CSMD3: variants seen among roughly 807,000 people sequenced by gnomAD.
CSMD3 encodes CUB and sushi domain-containing protein 3.
Under a neutral mutation model 435.2 loss-of-function variants are expected in CSMD3, and 177 were observed. The ratio of observed to expected loss-of-function variants is 0.41; its 90% CI spans 0.36 to 0.46. CSMD3 has a LOEUF of 0.46. Among genes scored for constraint, CSMD3 ranks in the 20% least tolerant of loss-of-function variants. The pLI, the probability that CSMD3 is intolerant of heterozygous loss-of-function variation, is 0.34. For synonymous variants in CSMD3, 1,656 were observed against 1,520.5 expected, an observed-to-expected ratio of 1.09 and a Z score of -2.07; for missense variants, 4,265 against 4,504.6, an observed-to-expected ratio of 0.95 and a Z score of 1.52.
chr8:112,379,400 C>T (rs760602038), intron 38 of CSMD3, among the ~76,000 whole-genome samples: 18 of 152,138 alleles, frequency 1.2e-4, no homozygotes, highest in East Asian at 9.7e-4. Flanking sequence ...ACCCAGGAGG[C>T]GGAGGTTGCA....
At chr8:113,351,884 T>C (rs962128362) in intron 1 of CSMD3, among the ~76,000 whole-genome samples, 2 of 152,214 alleles carry the variant, frequency 1.3e-5, no homozygotes, top group African/African-American at 2.4e-5. Flanking sequence ...ATTTCCTGCA[T>C]AGAAGAATCT....
At chr8:113,386,803 G>A (rs1209509496) in intron 1 of CSMD3, among the ~76,000 whole-genome samples, 1 of 151,708 alleles carries the variant, frequency 6.6e-6, no homozygotes, top group African/African-American at 2.4e-5. Context: ...AATCAATTTG[G>A]ATTAAGCCCA....
intron 45 of CSMD3, among the ~76,000 whole-genome samples, chr8:112,327,422 GTCACACAT>G (rs1479743595): frequency 1.3e-5 from 2 of 152,042 alleles, no homozygotes; most frequent in Non-Finnish European, 2.9e-5. Context: ...GGTGGACAAG[GTCACACAT>G]TCAGCCACTG....
chr8:113,419,912 G>T (rs1299761688), intron 1 of CSMD3, among the ~76,000 whole-genome samples: 1 of 151,924 alleles, frequency 6.6e-6, no homozygotes, highest in Non-Finnish European at 1.5e-5. Context: ...TCTTTAAATG[G>T]TTATTGAAGT....
intron 4 of CSMD3, among the ~76,000 whole-genome samples, chr8:113,114,674 C>T (rs1016958724): frequency 6.6e-6 from 1 of 152,044 alleles, no homozygotes; most frequent in African/African-American, 2.4e-5. Flanking sequence ...CTACTGTAGA[C>T]CCCATTATTA....
chr8:112,302,227 T>G (rs78507040), intron 52 of CSMD3, among the ~76,000 whole-genome samples: 1 of 148,934 alleles, frequency 6.7e-6, no homozygotes, highest in African/African-American at 2.5e-5. Flanking sequence ...TTTTTTTTTT[T>G]GCATTTTTCG....
At chr8:112,593,567 G>A (rs1482502745) in intron 22 of CSMD3, among the ~76,000 whole-genome samples, 3 of 152,088 alleles carry the variant, frequency 2.0e-5, no homozygotes, top group African/African-American at 7.2e-5. Flanking sequence ...GTACCCATGA[G>A]ATTGATCTTT....
At chr8:112,235,262 T>C (rs1813460481) in intron 67 of CSMD3, among the ~76,000 whole-genome samples, 1 of 152,074 alleles carries the variant, frequency 6.6e-6, no homozygotes, top group Admixed American at 6.6e-5. Flanking sequence ...CACGCACCTG[T>C]AGTCCCAGCT....
intron 38 of CSMD3, among the ~76,000 whole-genome samples, chr8:112,379,497 T>G (rs1829271398): frequency 6.6e-6 from 1 of 152,000 alleles, no homozygotes; most frequent in African/African-American, 2.4e-5. Context: ...CCTGAAAAGC[T>G]ACTAAATAGT....
At chr8:112,762,587 C>G (rs372155410) in intron 13 of CSMD3, among the ~76,000 whole-genome samples, 2 of 151,714 alleles carry the variant, frequency 1.3e-5, no homozygotes, top group East Asian at 1.9e-4. Context: ...ATATGGCATA[C>G]GAAGAAGTTT....
At chr8:112,953,703 T>C (rs1054784895) in intron 8 of CSMD3, among the ~76,000 whole-genome samples, 1 of 151,480 alleles carries the variant, frequency 6.6e-6, no homozygotes, top group Non-Finnish European at 1.5e-5. Flanking sequence ...CAATTACTGT[T>C]TATATGTACA....
chr8:112,755,693 T>C lies in CSMD3; in HGVS notation c.1972+44469A>G, dbSNP rs16884063. 4.0e-3 allele frequency among the ~76,000 whole-genome samples: 603 copies of C among 151,046 alleles called. 13 individuals carry two copies. In the East Asian group the frequency reaches 0.074, roughly 19 times the overall value. On this transcript the variant is annotated intron_variant, in intron 13 of 70. Coordinates refer to ENST00000297405, the MANE Select transcript of CSMD3 (RefSeq NM_198123.2). ...AATTCCTCTGATATCCTACAACCTA[T>C]CCTTGTCTGTATGACAAGGATAACC...
At chr8:112,533,372 A>G (rs925341527) in intron 27 of CSMD3, among the ~76,000 whole-genome samples, 2 of 152,082 alleles carry the variant, frequency 1.3e-5, no homozygotes, top group Non-Finnish European at 2.9e-5. Context: ...GCTGCTTACA[A>G]GGAACATACT....
chr8:112,267,189 A>G (rs940882216), intron 59 of CSMD3, among the ~76,000 whole-genome samples: 2 of 152,174 alleles, frequency 1.3e-5, no homozygotes, highest in African/African-American at 4.8e-5. Context: ...TTCATATTCT[A>G]TTCTGTTGAT....
At chr8:112,522,987 A>G (rs1411548118) in intron 27 of CSMD3, among the ~76,000 whole-genome samples, 1 of 151,964 alleles carries the variant, frequency 6.6e-6, no homozygotes, top group Non-Finnish European at 1.5e-5. Flanking sequence ...CATTGTGGTG[A>G]CAAGAGCAAA....
intron 32 of CSMD3, among the ~76,000 whole-genome samples, chr8:112,412,461 AT>A (rs531617232): frequency 2.0e-3 from 304 of 152,244 alleles, no homozygotes; most frequent in Middle Eastern, 3.4e-3. Context: ...TTTCAAAACG[AT>A]TTTGCTCTCA....
intron 5 of CSMD3, among the ~76,000 whole-genome samples, chr8:113,048,976 G>A (rs555457489): frequency 6.6e-5 from 10 of 151,852 alleles, no homozygotes; most frequent in East Asian, 3.9e-4. Flanking sequence ...ACTTCAGGCC[G>A]GCCTATAATC....
chr8:112,374,934 G>A (rs115308685), intron 38 of CSMD3, among the ~76,000 whole-genome samples: 241 of 152,206 alleles, frequency 1.6e-3, no homozygotes, highest in African/African-American at 5.3e-3. Context: ...CCAAAGCATC[G>A]CTTTGCGAAC....
At chr8:113,024,955 C>T (rs537253305) in intron 5 of CSMD3, among the ~76,000 whole-genome samples, 2 of 152,242 alleles carry the variant, frequency 1.3e-5, no homozygotes, top group East Asian at 3.9e-4. Context: ...TATTTAGCTC[C>T]CATTTATAAG....
Sources: gnomAD v4.1 joint callset for allele counts (sites outside exome capture counted in the v4.1 genomes callset) on GRCh38, gnomAD v4.1.1 for gene constraint, MANE v1.5 for transcripts, NCBI Gene and HGNC (gene_info 2026-07-23, HGNC 2026-07-21) for gene names.